Variants in KCNH7 observed in about 807,000 individuals in gnomAD.
KCNH7 encodes potassium voltage-gated channel subfamily H member 7.
A neutral mutation model predicts 120.8 loss-of-function variants in KCNH7; 49 were observed. The ratio of observed to expected loss-of-function variants is 0.41; its 90% CI spans 0.32 to 0.51. The LOEUF is 0.51. Among genes scored for constraint, KCNH7 ranks in the 20% least tolerant of loss-of-function variants. The probability of loss-of-function intolerance (pLI) is 0.38; values close to 1 mark genes in which losing one functional copy is unlikely to be tolerated. For synonymous variants in KCNH7, 547 were observed against 516.1 expected, an observed-to-expected ratio of 1.06 and a Z score of -0.81; for missense variants, 1,097 against 1,446.6, an observed-to-expected ratio of 0.76 and a Z score of 3.92.
intron 2 of KCNH7, among the ~76,000 whole-genome samples, chr2:162,830,111 T>G (rs1432955769): frequency 6.6e-6 from 1 of 152,142 alleles, no homozygotes; most frequent in African/African-American, 2.4e-5. Context: ...GTGCAGATAG[T>G]GGGAACATCA....
rs1433982020 is a variant in KCNH7 at position 162,504,611 on chromosome 2, A to G, written c.960T>C (p.Asp320=). ...IKSSLLGSTS[D]SNLNKYSTIN... ...TGGTGCTGTATTTGTTGAGGTTTGAATCTGATGTGGATCCCAGGAGGCTTG... is the reference window on the plus strand; with the variant it reads ...TGGTGCTGTATTTGTTGAGGTTTGAGTCTGATGTGGATCCCAGGAGGCTTG... Residue 320 remains aspartate (D), a synonymous_variant, in exon 6 of 16, where the codon GAT becomes GAC. Transcript: ENST00000332142. 6.8e-6 allele frequency: 11 copies of G among 1,612,762 alleles called. No homozygotes were observed. The East Asian group carries it at 2.5e-4, about 36-fold the overall frequency.
At chr2:162,469,095 G>A (rs376800481) in intron 6 of KCNH7, among the ~76,000 whole-genome samples, 1 of 152,124 alleles carries the variant, frequency 6.6e-6, no homozygotes, top group Admixed American at 6.5e-5. Context: ...TCCTGCTTTA[G>A]TCTCCCAAAG....
rs1056724137 is a variant in KCNH7 at position 162,569,087 on chromosome 2, T to C, written c.308-32007A>G. On this transcript the variant is annotated intron_variant, in intron 2 of 15. Coordinates refer to ENST00000332142, the MANE Select transcript of KCNH7 (RefSeq NM_033272.4). ...TTCCCTCTTTTTCTATTGATTGGAA[T>C]AGTTTCAGAAGGAATGGTACCAGTT... Among the ~76,000 whole-genome samples the C allele has an allele frequency of 3.3e-5, 5 of 152,156 alleles. No individual in the cohort carries two copies. The South Asian group carries it at 1.0e-3, about 31-fold the overall frequency.
intron 2 of KCNH7, among the ~76,000 whole-genome samples, chr2:162,675,910 A>G (rs187817405): frequency 1.3e-5 from 2 of 151,572 alleles, no homozygotes; most frequent in Admixed American, 1.3e-4. Flanking sequence ...TATTAGAATT[A>G]ATAGTGTATA....
At chr2:162,616,287 G>T (rs1683137331) in intron 2 of KCNH7, among the ~76,000 whole-genome samples, 1 of 152,144 alleles carries the variant, frequency 6.6e-6, no homozygotes, top group East Asian at 1.9e-4. Context: ...AAATGCAGTG[G>T]ATGACATAGC....
At position 162,517,857 on chromosome 2, in the gene KCNH7, A is replaced by G; in HGVS notation, c.765T>C (p.Ser255=). 1.2e-6 allele frequency: 2 copies of G among 1,612,412 alleles called. No individual in the cohort carries two copies. Among genetic ancestry groups the G allele is most frequent in the Non-Finnish European group, 8.5e-7 (1 of 1,178,910 alleles). The change falls in exon 4 of 16, where the codon AGT becomes AGC. Residue 255 remains serine, a synonymous_variant. Coordinates refer to ENST00000332142, the MANE Select transcript of KCNH7 (RefSeq NM_033272.4). The part of the protein sequence containing the change: ...DRLYPDMLQS[S]SQLSHSRSRE... Reference sequence around the variant, plus strand: ...TTGATCTGGAATGGGACAGCTGGGAACTTGACTGCAGCATGTCAGGGTAGA... The same window carrying G: ...TTGATCTGGAATGGGACAGCTGGGAGCTTGACTGCAGCATGTCAGGGTAGA...
intron 6 of KCNH7, among the ~76,000 whole-genome samples, chr2:162,478,014 A>T (rs111946233): frequency 6.6e-6 from 1 of 152,206 alleles, no homozygotes; most frequent in Non-Finnish European, 1.5e-5. Context: ...CTCAATTGTG[A>T]TATGTGTGAT....
chr2:162,626,115 A>G (rs1683545117), intron 2 of KCNH7, among the ~76,000 whole-genome samples: 1 of 152,086 alleles, frequency 6.6e-6, no homozygotes, highest in Admixed American at 6.6e-5. Flanking sequence ...GTTTAGCTCA[A>G]TTTTCAATAA....
chr2:162,661,953 G>A (rs1684976073), intron 2 of KCNH7, among the ~76,000 whole-genome samples: 1 of 151,858 alleles, frequency 6.6e-6, no homozygotes, highest in African/African-American at 2.4e-5. Context: ...ATTGTTGTAT[G>A]ATGCTTTTTT....
At chr2:162,656,207 T>C (rs1315473369) in intron 2 of KCNH7, among the ~76,000 whole-genome samples, 2 of 152,204 alleles carry the variant, frequency 1.3e-5, no homozygotes, top group African/African-American at 4.8e-5. Context: ...ATGATGCCTG[T>C]TTTTCTAGAG....
intron 3 of KCNH7, among the ~76,000 whole-genome samples, chr2:162,527,034 G>T (rs966093374): frequency 6.6e-6 from 1 of 151,896 alleles, no homozygotes; most frequent in Non-Finnish European, 1.5e-5. Context: ...CGGTCCCTCC[G>T]TTCGGGGTCC....
intron 2 of KCNH7, among the ~76,000 whole-genome samples, chr2:162,809,909 CTT>C (rs748538332): frequency 7.8e-5 from 4 of 51,218 alleles, no homozygotes; most frequent in Non-Finnish European, 1.3e-4. Flanking sequence ...CTCACCTATT[CTT>C]TTTTTTTTTT....
chr2:162,434,495 C>T (rs1688174700), intron 8 of KCNH7, among the ~76,000 whole-genome samples: 1 of 152,036 alleles, frequency 6.6e-6, no homozygotes, highest in Non-Finnish European at 1.5e-5. Flanking sequence ...CCTTCAGTGG[C>T]TCCGCAGCGT....
At chr2:162,417,307 A>T (rs371317395) in intron 9 of KCNH7, among the ~76,000 whole-genome samples, 22 of 152,280 alleles carry the variant, frequency 1.4e-4, no homozygotes, top group African/African-American at 4.8e-4. Context: ...CTGAACTTTG[A>T]TGATCTCTAT....
At chr2:162,491,998 C>A (rs578228177) in intron 6 of KCNH7, among the ~76,000 whole-genome samples, 2 of 152,220 alleles carry the variant, frequency 1.3e-5, no homozygotes, top group Admixed American at 6.5e-5. Flanking sequence ...TTAAGATCCC[C>A]AAACTTTAAA....
At chr2:162,824,651 C>G (rs1394750242) in intron 2 of KCNH7, among the ~76,000 whole-genome samples, 1 of 152,004 alleles carries the variant, frequency 6.6e-6, no homozygotes, top group African/African-American at 2.4e-5. Context: ...AGCAGTTTAT[C>G]TGATACTGTG....
chr2:162,470,425 G>A (rs1439372097), intron 6 of KCNH7, among the ~76,000 whole-genome samples: 4 of 143,332 alleles, frequency 2.8e-5, no homozygotes, highest in Middle Eastern at 3.8e-3. Context: ...GAGACCCTAC[G>A]CCCGGCAGCC....
rs368219736 is a variant in KCNH7, at chr2:162,470,598, G to A, written c.1129-24155C>T. Reference sequence around the variant, plus strand: ...GGTGGGGGTCAGCCCCCGCCAGGCCGGCCGCCCCATCCGGGAGGGAGGTGG... The same window carrying A: ...GGTGGGGGTCAGCCCCCGCCAGGCCAGCCGCCCCATCCGGGAGGGAGGTGG... On this transcript the variant is annotated intron_variant, in intron 6 of 15. Transcript: ENST00000332142. Among the ~76,000 whole-genome samples the A allele has an allele frequency of 3.7e-3, 552 of 150,150 alleles. 3 individuals are homozygous for A. Among genetic ancestry groups the A allele is most frequent in the Middle Eastern group, 0.011 (3 of 282 alleles).
chr2:162,437,862 G>A (rs1688297425), intron 7 of KCNH7, among the ~76,000 whole-genome samples: 1 of 152,094 alleles, frequency 6.6e-6, no homozygotes, highest in African/African-American at 2.4e-5. Context: ...TACTGGCCTT[G>A]CAGCTCGCCT....
Sources: allele counts gnomAD v4.1 joint callset (sites outside exome capture counted in the v4.1 genomes callset), GRCh38; gene constraint gnomAD v4.1.1; transcripts MANE v1.5; gene names NCBI Gene and HGNC (gene_info 2026-07-23, HGNC 2026-07-21).